ITIH3: variants seen among roughly 807,000 people sequenced by gnomAD.
The protein encoded by ITIH3 is inter-alpha-trypsin inhibitor heavy chain 3.
A neutral mutation model predicts 96.5 loss-of-function variants in ITIH3; 81 were observed. The observed-to-expected ratio is 0.84, with a 90% CI of 0.70 to 1.01. ITIH3 has a LOEUF of 1.01. Among genes scored for constraint, ITIH3 ranks in the 50% least tolerant of loss-of-function variants. ITIH3 has a pLI of 0.00. For synonymous variants in ITIH3, 422 were observed against 445.2 expected (o/e 0.95, Z 0.66); for missense variants, 1,057 against 1,139.3 (o/e 0.93, Z 1.04).
intron 5 of ITIH3, 59 bp downstream of exon 5, chr3:52,797,326 TGG>T: frequency 6.5e-7 from 1 of 1,528,482 alleles, no homozygotes. Context: ...AACCCGCCCA[TGG>T]GGCAGTCTCA....
At chr3:52,805,512 A>G in intron 15 of ITIH3, 1 of 1,212,874 alleles carries the variant, frequency 8.2e-7, no homozygotes, top group Non-Finnish European at 1.0e-6. Flanking sequence ...GGTGGGGCAG[A>G]TGTTTGCTGT....
At position 52,802,780 on chromosome 3, in the gene ITIH3, C is replaced by T; in HGVS notation, c.1683C>T (p.Leu561=). Reference sequence around the variant, plus strand: ...ACATTGAGCGGCTCTGGGCCTACCTCACCATTGAGCAGCTGCTGGAGAAGC... The same window carrying T: ...ACATTGAGCGGCTCTGGGCCTACCTTACCATTGAGCAGCTGCTGGAGAAGC... ...GNYIERLWAY[L]TIEQLLEKRK... The change falls in exon 13 of 22, where the codon CTC becomes CTT. Residue 561 remains leucine (L), a synonymous_variant. Transcript: ENST00000449956. The T allele has an allele frequency of 6.2e-7, 1 of 1,614,014 alleles. No homozygotes were observed. Among genetic ancestry groups the T allele is most frequent in the Non-Finnish European group, 8.5e-7 (1 of 1,179,866 alleles).
In ITIH3 at chr3:52,803,953, T is replaced by C; in HGVS notation, c.1808T>C (p.Val603Ala). Residue 603 changes from valine to alanine, a missense_variant, in exon 14 of 22, where the codon GTG becomes GCG. By Grantham distance (64) the Val-to-Ala change is moderately conservative. Transcript: ENST00000449956. Reference sequence around the variant, plus strand: ...GTGACTCCACTGACCTCAATGGTGGTGACCAAGCCTGAGGACAACGAGGAT... The same window carrying C: ...GTGACTCCACTGACCTCAATGGTGGCGACCAAGCCTGAGGACAACGAGGAT... ...HFVTPLTSMVVTKPEDNEDER... is the reference protein window; with the variant it reads ...HFVTPLTSMVATKPEDNEDER... 1.2e-6 allele frequency: 2 copies of C among 1,613,800 alleles called. No homozygotes were observed. The highest frequency in any genetic ancestry group is 1.7e-6 in the Non-Finnish European group (2 of 1,179,826).
intron 14 of ITIH3, 75 bp downstream of exon 14, chr3:52,804,084 G>C: frequency 1.3e-6 from 2 of 1,517,366 alleles, no homozygotes; most frequent in Non-Finnish European, 1.8e-6. Context: ...CAGTGGAGGA[G>C]TGGGCCAGGC....
chr3:52,800,640 T>C lies in ITIH3; in HGVS notation c.1178T>C (p.Leu393Pro), dbSNP rs374124181. ...PERSTSIVIM[L>P]TDGDANVGES... The stretch of plus-strand genomic sequence containing the variant: ...AGGAGCACCTCCATTGTCATCATGC[T>C]GACTGATGGGGATGCCAATGTTGGT... Residue 393 changes from leucine (L) to proline (P), a missense_variant, in exon 10 of 22, where the codon CTG (leucine) becomes CCG (proline). By Grantham distance (98) the Leu-to-Pro change is moderately conservative. Transcript: ENST00000449956. The C allele has an allele frequency of 9.4e-6, 15 of 1,595,684 alleles. No individual in the cohort carries two copies. The African/African-American group carries it at 1.6e-4, about 17-fold the overall frequency.
intron 8 of ITIH3, 41 bp from the exon 9 acceptor site, chr3:52,799,712 T>C: frequency 6.4e-7 from 1 of 1,566,874 alleles, no homozygotes; most frequent in Middle Eastern, 1.8e-4. Context: ...GGGACCTCAC[T>C]CTCTGCTGCG....
chr3:52,796,891 G>C, intron 4 of ITIH3, 48 bp downstream of exon 4: 1 of 1,325,664 alleles, frequency 7.5e-7, no homozygotes, highest in Middle Eastern at 1.9e-4. Context: ...GGATCCAAGG[G>C]CCTTCAGGGC....
chr3:52,801,261 C>G, intron 11 of ITIH3, 115 bp downstream of exon 11: 2 of 902,260 alleles, frequency 2.2e-6, no homozygotes, highest in Non-Finnish European at 3.2e-6. Context: ...GGTCAAAATC[C>G]ACCTCTGACT....
intron 14 of ITIH3, chr3:52,804,506 C>T: frequency 3.5e-6 from 2 of 570,888 alleles, no homozygotes; most frequent in Non-Finnish European, 6.4e-6. Context: ...GGAGGATTGG[C>T]ATTGGGAGAC....
At chr3:52,803,096 C>A (rs1457258786) in intron 13 of ITIH3, among the ~76,000 whole-genome samples, 1 of 152,160 alleles carries the variant, frequency 6.6e-6, no homozygotes, top group Non-Finnish European at 1.5e-5. Context: ...CTGAGTGGAA[C>A]TGAAGGCCGG....
rs1281899347 is a variant in ITIH3 at position 52,802,694 on chromosome 3, G to A, written c.1597G>A (p.Glu533Lys). The change falls in exon 13 of 22, where the codon GAG (glutamate) becomes AAG (lysine). Residue 533 changes from glutamate to lysine, a missense_variant. Physicochemically the swap from Glu to Lys is moderately conservative, Grantham distance 56 (BLOSUM62 1). Coordinates refer to ENST00000449956, the MANE Select transcript of ITIH3 (RefSeq NM_002217.4). ...CACCAACGACCTGACCTTCACAGAG[G>A]AGGTGGACATGAAGGAGATGGAGAA... ...GATNDLTFTE[E>K]VDMKEMEKAL... The A allele has an allele frequency of 6.2e-7, 1 of 1,613,834 alleles. No individual in the cohort carries two copies. The highest frequency in any genetic ancestry group is 8.5e-7 in the Non-Finnish European group (1 of 1,179,888).
At position 52,805,829 on chromosome 3, in the gene ITIH3, T is replaced by C. The variant is rs1700018310; in HGVS notation, c.1895T>C (p.Met632Thr). ...DAEATPVSPA[M>T]SYLTSYQPPQ... ...TCAGCCACACCGGTGAGCCCCGCCA[T>C]GTCCTACCTGAGTGAGTACATGCTG... Residue 632 changes from methionine to threonine, a missense_variant, in exon 16 of 22, where the codon ATG (methionine) becomes ACG (threonine). Coordinates refer to ENST00000449956, the MANE Select transcript of ITIH3 (RefSeq NM_002217.4). The C allele has an allele frequency of 6.2e-7, 1 of 1,613,758 alleles. No homozygotes were observed. Among genetic ancestry groups the C allele is most frequent in the African/African-American group, 1.3e-5 (1 of 74,932 alleles).
chr3:52,794,860 C>T lies in ITIH3; in HGVS notation c.57C>T (p.Ala19=). 1 of 1,614,000 alleles carries T rather than the reference C, an allele frequency of 6.2e-7. No individual in the cohort carries two copies. The highest frequency in any genetic ancestry group is 8.5e-7 in the Non-Finnish European group (1 of 1,179,882). ...TGGCTCTGCTCTCCAGCTTGGCAGC[C>T]TCTGGCTTCCCGAGAAGCCCCTTTC... ...LILALLSSLA[A]SGFPRSPFRL... The change falls in exon 1 of 22, where the codon GCC becomes GCT. Residue 19 remains alanine (A), a synonymous_variant. Coordinates refer to ENST00000449956, the MANE Select transcript of ITIH3 (RefSeq NM_002217.4).
At position 52,799,409 on chromosome 3, in the gene ITIH3, A is replaced by G. The variant is rs1559471077; in HGVS notation, c.827A>G (p.Gln276Arg). 6.2e-7 allele frequency: 1 copy of G among 1,611,118 alleles called. No homozygotes were observed. Among genetic ancestry groups the G allele is most frequent in the East Asian group, 2.2e-5 (1 of 44,864 alleles). Reference protein sequence around the residue: ...NGYFVHFFAPQGLPVVPKNVA... With the variant: ...NGYFVHFFAPRGLPVVPKNVA... The stretch of plus-strand genomic sequence containing the variant: ...TACTTCGTGCACTTCTTTGCACCTC[A>G]AGGCCTTCCAGTGGTGCCTAAGAAC... Residue 276 changes from glutamine (Q) to arginine (R), a missense_variant, in exon 8 of 22, where the codon CAA (glutamine) becomes CGA (arginine). Physicochemically the swap from Gln to Arg is conservative, Grantham distance 43. Transcript: ENST00000449956.
chr3:52,802,919 G>A, intron 13 of ITIH3, 113 bp downstream of exon 13: 1 of 1,278,132 alleles, frequency 7.8e-7, no homozygotes. Context: ...AGCCCAGGAA[G>A]TGTCTGTAGA....
intron 1 of ITIH3, among the ~76,000 whole-genome samples, chr3:52,795,232 G>A (rs1252690898): frequency 6.6e-6 from 1 of 152,254 alleles, no homozygotes; most frequent in Admixed American, 6.5e-5. Context: ...GCCCTGCGGG[G>A]TGTGGCGGGG....
chr3:52,807,444 G>A (rs1700098598), intron 19 of ITIH3, among the ~76,000 whole-genome samples: 1 of 152,246 alleles, frequency 6.6e-6, no homozygotes, highest in African/African-American at 2.4e-5. Context: ...GAGGCTCAGA[G>A]AAGGTGTGGA....
intron 6 of ITIH3, 88 bp downstream of exon 6, chr3:52,798,018 C>A: frequency 1.3e-6 from 1 of 766,336 alleles, no homozygotes; most frequent in Non-Finnish European, 2.2e-6. Flanking sequence ...GGCTTAGCTG[C>A]TGCAAGCATG....
At chr3:52,807,185 C>A in intron 19 of ITIH3, 80 bp downstream of exon 19, 1 of 1,248,292 alleles carries the variant, frequency 8.0e-7, no homozygotes, top group Non-Finnish European at 1.1e-6. Context: ...AGAAAAATCC[C>A]AGGACAGGAG....
Sources: gnomAD v4.1 joint callset for allele counts (sites outside exome capture counted in the v4.1 genomes callset) on GRCh38, gnomAD v4.1.1 for gene constraint, MANE v1.5 for transcripts, NCBI Gene and HGNC (gene_info 2026-07-23, HGNC 2026-07-21) for gene names.